The following SMG6 variants were observed in gnomAD, a reference collection of about 807,000 sequenced individuals.
The protein encoded by SMG6 is telomerase-binding protein EST1A.
A neutral mutation model predicts 142.2 loss-of-function variants in SMG6; 66 were observed. The observed-to-expected ratio is 0.46, with a 90% CI of 0.38 to 0.57. The LOEUF (loss-of-function observed/expected upper bound fraction) is 0.57. Among genes scored for constraint, SMG6 ranks in the 20% least tolerant of loss-of-function variants. The pLI, the probability that SMG6 is intolerant of heterozygous loss-of-function variation, is 0.00. For missense variants in SMG6, 1,793 were observed against 1,832.0 expected, an observed-to-expected ratio of 0.98 and a Z score of 0.39; for synonymous variants, 779 against 702.4, an observed-to-expected ratio of 1.11 and a Z score of -1.72.
chr17:2,166,500 C>T (rs545092277), intron 13 of SMG6, among the ~76,000 whole-genome samples: 4 of 152,268 alleles, frequency 2.6e-5, no homozygotes, highest in South Asian at 4.2e-4. Flanking sequence ...CTCTGTCCCT[C>T]GGGCTGGAGT....
chr17:2,261,166 T>C (rs1400934371), intron 8 of SMG6, among the ~76,000 whole-genome samples: 1 of 149,858 alleles, frequency 6.7e-6, no homozygotes, highest in African/African-American at 2.5e-5. Flanking sequence ...AAAAAAAAAT[T>C]AGCCAGGTGT....
chr17:2,195,139 C>A (rs1161226958), intron 10 of SMG6, among the ~76,000 whole-genome samples: 1 of 152,202 alleles, frequency 6.6e-6, no homozygotes, highest in Non-Finnish European at 1.5e-5. Flanking sequence ...CAGCTCCAGG[C>A]TGTGGGGTGA....
In SMG6 at chr17:2,222,268, T is replaced by C. The variant is rs1167909399; in HGVS notation, c.2869+14224A>G. Among the ~76,000 whole-genome samples the C allele has an allele frequency of 5.9e-5, 9 of 151,536 alleles. No homozygotes were observed. In the East Asian group the frequency reaches 1.4e-3, roughly 23 times the overall value. Reference sequence around the variant, plus strand: ...ATCAATAGAATTGGAAGATAAAGAGTGCAGGTTTGGAGTAGAATGCAGCAG... The same window carrying C: ...ATCAATAGAATTGGAAGATAAAGAGCGCAGGTTTGGAGTAGAATGCAGCAG... On this transcript the variant is annotated intron_variant, in intron 10 of 18. Transcript: ENST00000263073.
At chr17:2,288,666 A>G (rs432200) in intron 6 of SMG6, among the ~76,000 whole-genome samples, 86,458 of 150,472 alleles carry the variant, frequency 0.57, 26,077 homozygotes, top group East Asian at 0.75. Context: ...CTGGTGGCTC[A>G]CACCTGTATC....
intron 10 of SMG6, chr17:2,229,510 C>A (rs2073411264): frequency 1.3e-5 from 2 of 152,164 alleles, no homozygotes; most frequent in South Asian, 4.1e-4. Context: ...GCTGTGCAGC[C>A]CTGCTTAACC....
chr17:2,126,646 G>A (rs951543954), intron 13 of SMG6, among the ~76,000 whole-genome samples: 3 of 151,382 alleles, frequency 2.0e-5, no homozygotes, highest in Admixed American at 1.3e-4. Flanking sequence ...AACCCGGGAG[G>A]TGGAGGTTGC....
intron 1 of SMG6, chr17:2,303,346 C>A (rs9890531): frequency 4.2e-6 from 5 of 1,187,038 alleles, no homozygotes; most frequent in Non-Finnish European, 4.2e-6. Flanking sequence ...CGGGGCGGGT[C>A]TGAGAGGGCT....
Position 2,272,755 on chromosome 17 carries a change from G to A in SMG6, c.2661+9892C>T, listed in dbSNP as rs1191782428. ...AAATCGAGACCATCTTGGCTAACACGGTGAAACCCCATCTCTACTAAAAAT... is the reference window on the plus strand; with the variant it reads ...AAATCGAGACCATCTTGGCTAACACAGTGAAACCCCATCTCTACTAAAAAT... On this transcript the variant is annotated intron_variant, in intron 8 of 18. Transcript: ENST00000263073. Among the ~76,000 whole-genome samples the A allele has an allele frequency of 2.6e-5, 4 of 151,960 alleles. No individual in the cohort carries two copies. In the East Asian group the frequency reaches 5.8e-4, roughly 22 times the overall value.
chr17:2,267,180 A>T (rs968320939), intron 8 of SMG6, among the ~76,000 whole-genome samples: 1 of 152,142 alleles, frequency 6.6e-6, no homozygotes, highest in Non-Finnish European at 1.5e-5. Flanking sequence ...ACCCTAAAAA[A>T]TTTTCTGATG....
intron 10 of SMG6, among the ~76,000 whole-genome samples, chr17:2,210,896 G>A (rs1368284068): frequency 6.6e-6 from 1 of 151,892 alleles, no homozygotes; most frequent in Admixed American, 6.6e-5. Context: ...ACCTAGGTAA[G>A]CCAAGACACA....
chr17:2,284,723 T>C (rs930327897), intron 6 of SMG6, among the ~76,000 whole-genome samples: 5 of 152,226 alleles, frequency 3.3e-5, no homozygotes, highest in Admixed American at 2.0e-4. Flanking sequence ...CGGTCTTGCA[T>C]TTATTAGGTA....
At chr17:2,098,171 G>A (rs1437073851) in intron 13 of SMG6, among the ~76,000 whole-genome samples, 3 of 152,126 alleles carry the variant, frequency 2.0e-5, no homozygotes, top group African/African-American at 7.2e-5. Context: ...CTGTAGAGAC[G>A]GGGTTTCACC....
intron 13 of SMG6, among the ~76,000 whole-genome samples, chr17:2,114,961 A>AAATAAAAT (rs1567609058): frequency 3.7e-4 from 22 of 59,548 alleles, no homozygotes; most frequent in South Asian, 1.2e-3. Context: ...TAAAAAAATG[A>AAATAAAAT]AATGAAATGA....
intron 12 of SMG6, among the ~76,000 whole-genome samples, chr17:2,184,894 G>C (rs2071927862): frequency 7.7e-6 from 1 of 129,390 alleles, no homozygotes; most frequent in African/African-American, 2.9e-5. Flanking sequence ...GAACTCAGGA[G>C]ACAGAGGTTG....
chr17:2,091,008 TATC>T (rs1006814228), intron 13 of SMG6, among the ~76,000 whole-genome samples: 4 of 152,200 alleles, frequency 2.6e-5, no homozygotes, highest in African/African-American at 9.7e-5. Flanking sequence ...ATGGGTTAAT[TATC>T]ATCTTTAATG....
chr17:2,280,651 G>A, intron 8 of SMG6: 1 of 902,302 alleles, frequency 1.1e-6, no homozygotes, highest in Non-Finnish European at 1.3e-6. Flanking sequence ...AAGGGTAATA[G>A]TTACCCAAGG....
intron 15 of SMG6, among the ~76,000 whole-genome samples, chr17:2,077,132 C>T (rs1025404012): frequency 6.6e-5 from 10 of 152,226 alleles, no homozygotes; most frequent in African/African-American, 2.4e-4. Context: ...GACTCTACCA[C>T]ACTGTACCAC....
intron 13 of SMG6, among the ~76,000 whole-genome samples, chr17:2,114,158 T>TA (rs2069426014): frequency 6.6e-6 from 1 of 151,952 alleles, no homozygotes; most frequent in Admixed American, 6.6e-5. Context: ...TAATCCCAGC[T>TA]ACTTGGGAGG....
intron 10 of SMG6, among the ~76,000 whole-genome samples, chr17:2,196,363 G>C (rs2072326319): frequency 1.3e-5 from 2 of 152,206 alleles, no homozygotes; most frequent in African/African-American, 4.8e-5. Context: ...AGGAGGCGGA[G>C]GTTGCAGTGA....
Sources: gnomAD v4.1 joint callset for allele counts (sites outside exome capture counted in the v4.1 genomes callset) on GRCh38, gnomAD v4.1.1 for gene constraint, MANE v1.5 for transcripts, NCBI Gene and HGNC (gene_info 2026-07-23, HGNC 2026-07-21) for gene names.